The following HERC4 variants were observed in gnomAD, a reference collection of about 807,000 sequenced individuals.
HERC4 encodes probable E3 ubiquitin-protein ligase HERC4.
A neutral mutation model predicts 124.3 loss-of-function variants in HERC4; 28 were observed. The ratio of observed to expected loss-of-function variants is 0.23; its 90% confidence interval spans 0.17 to 0.31. The LOEUF (loss-of-function observed/expected upper bound fraction) is 0.31, where lower values mean the gene tolerates loss of function less well. HERC4 is among the 10% of genes least tolerant of loss of function. The pLI is 1.00. For missense variants in HERC4, 713 were observed against 1,229.3 expected, an observed-to-expected ratio of 0.58 and a Z score of 6.28; for synonymous variants, 407 against 421.5, an observed-to-expected ratio of 0.97 and a Z score of 0.42.
chr10:68,063,837 G>A (rs1475754747), intron 3 of HERC4, among the ~76,000 whole-genome samples: 1 of 152,092 alleles, frequency 6.6e-6, no homozygotes, highest in Non-Finnish European at 1.5e-5. Context: ...TACTCAGGAG[G>A]CCAAGGCAAG....
rs1188180685 is a variant in HERC4, at chr10:67,927,138, C to G, written c.2839-1951G>C. 2.6e-5 allele frequency among the ~76,000 whole-genome samples: 4 copies of G among 152,014 alleles called. No homozygotes were observed. In the South Asian group the frequency reaches 6.2e-4, roughly 24 times the overall value. The stretch of plus-strand genomic sequence containing the variant: ...AAGTTTGAAGAAAACAGCTTGAATT[C>G]TAGCATGGAATTTATGGAATTTATT... On this transcript the variant is annotated intron_variant, in intron 23 of 24. Transcript: ENST00000373700.
At chr10:67,996,557 TG>T (rs1361876746) in intron 9 of HERC4, among the ~76,000 whole-genome samples, 2 of 152,186 alleles carry the variant, frequency 1.3e-5, no homozygotes, top group African/African-American at 4.8e-5. Flanking sequence ...TTTGTTTACA[TG>T]GGTTAAAATC....
At chr10:67,978,107 C>T (rs890937741) in intron 15 of HERC4, among the ~76,000 whole-genome samples, 1 of 152,024 alleles carries the variant, frequency 6.6e-6, no homozygotes, top group Non-Finnish European at 1.5e-5. Context: ...GAAACCCCAT[C>T]TCTACTAAAA....
chr10:67,928,412 A>G (rs2031394051), intron 23 of HERC4, among the ~76,000 whole-genome samples: 1 of 152,200 alleles, frequency 6.6e-6, no homozygotes, highest in Admixed American at 6.5e-5. Flanking sequence ...CCTGGCTACC[A>G]GCTGTGTAGC....
chr10:67,991,480 G>T (rs1269910110), intron 11 of HERC4, among the ~76,000 whole-genome samples: 2 of 152,044 alleles, frequency 1.3e-5, no homozygotes. Flanking sequence ...AAAATTAAGT[G>T]TGTATGTTCA....
At chr10:68,016,305 G>A (rs2038262744) in intron 8 of HERC4, among the ~76,000 whole-genome samples, 2 of 152,056 alleles carry the variant, frequency 1.3e-5, no homozygotes, top group Non-Finnish European at 2.9e-5. Context: ...CATTCAGGAG[G>A]TTTTTGACAA....
rs1221911945 is a variant in HERC4 at position 68,034,114 on chromosome 10, G to A, written c.536C>T (p.Thr179Ile). ...CAAAGACTTAAGCAGCTGCGGTGAA[G>A]TTTGCTTTTTACAGTCAGTACCTAA... ...LGLGTDCKKQ[T>I]SPQLLKSLLG... The change falls in exon 6 of 25, where the codon ACT becomes ATT. Residue 179 changes from threonine (T) to isoleucine (I), a missense_variant. Thr to Ile is a moderately conservative substitution (Grantham distance 89). Coordinates refer to ENST00000373700, the MANE Select transcript of HERC4 (RefSeq NM_015601.4). 1.9e-6 allele frequency: 3 copies of A among 1,614,072 alleles called. No homozygotes were observed. The highest frequency in any genetic ancestry group is 1.7e-6 in the Non-Finnish European group (2 of 1,180,016).
chr10:68,054,402 G>A (rs1334660042), intron 3 of HERC4, among the ~76,000 whole-genome samples: 1 of 147,008 alleles, frequency 6.8e-6, no homozygotes, highest in Non-Finnish European at 1.5e-5. Context: ...TGCCCAGGCT[G>A]GAGTGCAGTG....
chr10:68,033,903 T>C, intron 6 of HERC4, 62 bp downstream of exon 6: 1 of 1,329,250 alleles, frequency 7.5e-7, no homozygotes, highest in South Asian at 1.2e-5. Flanking sequence ...GAATCACTGA[T>C]CTAACTCAAA....
At chr10:68,015,012 AC>A (rs1259558758) in intron 8 of HERC4, among the ~76,000 whole-genome samples, 10 of 152,188 alleles carry the variant, frequency 6.6e-5, no homozygotes, top group Non-Finnish European at 1.2e-4. Context: ...CTCTAACCAT[AC>A]CCATATCTTA....
intron 8 of HERC4, among the ~76,000 whole-genome samples, chr10:68,016,295 C>T (rs1168575753): frequency 6.6e-6 from 1 of 152,108 alleles, no homozygotes; most frequent in Non-Finnish European, 1.5e-5. Flanking sequence ...CTGACTGCTT[C>T]ATTCAGGAGG....
At chr10:68,039,434 G>C in intron 4 of HERC4, 2 of 1,550,660 alleles carry the variant, frequency 1.3e-6, no homozygotes, top group African/African-American at 1.4e-5. Context: ...TGCCATAAGA[G>C]AGTCCGGAGC....
At chr10:67,956,637 A>AAATATTCAATCTTTAT (rs2034158777) in intron 17 of HERC4, 2 of 285,194 alleles carry the variant, frequency 7.0e-6, no homozygotes, top group African/African-American at 4.4e-5. Flanking sequence ...GTAATGAAAG[A>AAATATTCAATCTTTAT]GGCTTATACA....
chr10:67,995,374 A>G (rs1483253915), intron 9 of HERC4: 5 of 361,066 alleles, frequency 1.4e-5, no homozygotes, highest in Non-Finnish European at 2.2e-5. Context: ...TAGTTATCTT[A>G]TAACAGGAAA....
chr10:68,050,659 T>C lies in HERC4; in HGVS notation c.227-6096A>G, dbSNP rs528015204. ...ATACACAAAACTGATAACTTCACTA[T>C]AATTTTTAAAAAGTTATCTATTTTT... On this transcript the variant is annotated intron_variant, in intron 3 of 24. Transcript: ENST00000373700. Among the ~76,000 whole-genome samples the C allele has an allele frequency of 8.5e-4, 130 of 152,332 alleles. 1 individual carries two copies. Among genetic ancestry groups the C allele is most frequent in the African/African-American group, 2.8e-3 (116 of 41,586 alleles).
At chr10:68,001,587 T>A (rs1169028715) in intron 9 of HERC4, among the ~76,000 whole-genome samples, 1 of 152,172 alleles carries the variant, frequency 6.6e-6, no homozygotes, top group Non-Finnish European at 1.5e-5. Flanking sequence ...TCATAAAATA[T>A]ACATAAAATT....
intron 19 of HERC4, among the ~76,000 whole-genome samples, chr10:67,948,419 A>G (rs903309529): frequency 3.9e-5 from 6 of 152,244 alleles, no homozygotes; most frequent in African/African-American, 7.2e-5. Context: ...AAAAAAAAGA[A>G]AAACTGCTCA....
intron 15 of HERC4, among the ~76,000 whole-genome samples, chr10:67,977,976 G>C (rs1008277580): frequency 6.8e-6 from 1 of 147,396 alleles, no homozygotes; most frequent in East Asian, 2.0e-4. Context: ...GCCAGACCTT[G>C]TCTCAAAAAA....
rs760729075 is a variant in HERC4 at position 67,992,337 on chromosome 10, T to C, written c.1147-14A>G. On this transcript the variant is annotated splice_polypyrimidine_tract_variant and intron_variant, in intron 10 of 24. Coordinates refer to ENST00000373700, the MANE Select transcript of HERC4 (RefSeq NM_015601.4). The stretch of plus-strand genomic sequence containing the variant: ...TGGCCCACAGTTCTAAATTTTCAAA[T>C]AAGATTAGTCAGAGGGAAGAGATAT... The C allele has an allele frequency of 4.3e-6, 7 of 1,612,508 alleles. No homozygotes were observed. Among genetic ancestry groups the C allele is most frequent in the Non-Finnish European group, 5.9e-6 (7 of 1,179,066 alleles).
Sources: gnomAD v4.1 joint callset for allele counts (sites outside exome capture counted in the v4.1 genomes callset) on GRCh38, gnomAD v4.1.1 for gene constraint, MANE v1.5 for transcripts, NCBI Gene and HGNC (gene_info 2026-07-23, HGNC 2026-07-21) for gene names.